The following CDKAL1 variants were observed in gnomAD, a reference collection of about 807,000 sequenced individuals.
CDKAL1 encodes threonylcarbamoyladenosine tRNA methylthiotransferase.
Under a neutral mutation model 68.2 loss-of-function variants are expected in CDKAL1, and 32 were observed. That is an observed-to-expected ratio of 0.47 (90% confidence interval 0.35 to 0.63). CDKAL1 has a LOEUF of 0.63. Among genes scored for constraint, CDKAL1 ranks in the 30% least tolerant of loss-of-function variants. The probability of loss-of-function intolerance (pLI) is 0.00; values close to 1 mark genes in which losing one functional copy is unlikely to be tolerated. For missense variants in CDKAL1, 606 were observed against 696.7 expected (o/e 0.87, Z 1.47); for synonymous variants, 234 against 244.3 (o/e 0.96, Z 0.39).
At chr6:20,881,783 A>G (rs1365342014) in intron 9 of CDKAL1, among the ~76,000 whole-genome samples, 2 of 152,138 alleles carry the variant, frequency 1.3e-5, no homozygotes, top group Non-Finnish European at 2.9e-5. Flanking sequence ...TGCAGTCTCA[A>G]ATCTCCTGTT....
intron 15 of CDKAL1, among the ~76,000 whole-genome samples, chr6:21,214,881 GA>G (rs1227608630): frequency 4.7e-4 from 71 of 151,296 alleles, no homozygotes; most frequent in Non-Finnish European, 6.6e-4. Context: ...TTGGATGAAT[GA>G]ATGAATGAAT....
At chr6:20,828,449 G>A (rs776202445) in intron 8 of CDKAL1, among the ~76,000 whole-genome samples, 5 of 151,664 alleles carry the variant, frequency 3.3e-5, no homozygotes, top group Non-Finnish European at 7.4e-5. Flanking sequence ...GGCTGCTCTC[G>A]AACTCCTCAC....
At chr6:20,950,111 G>A (rs1226456011) in intron 9 of CDKAL1, among the ~76,000 whole-genome samples, 1 of 151,994 alleles carries the variant, frequency 6.6e-6, no homozygotes, top group Non-Finnish European at 1.5e-5. Flanking sequence ...ATGCAAAGAA[G>A]AGTAGAGGTC....
chr6:20,880,706 A>G (rs1760768874), intron 9 of CDKAL1, among the ~76,000 whole-genome samples: 1 of 152,150 alleles, frequency 6.6e-6, no homozygotes, highest in Non-Finnish European at 1.5e-5. Flanking sequence ...TTCATATATA[A>G]TGTGGGTCTG....
intron 4 of CDKAL1, among the ~76,000 whole-genome samples, chr6:20,636,991 C>T (rs1331560556): frequency 6.8e-6 from 1 of 147,612 alleles, no homozygotes; most frequent in Non-Finnish European, 1.5e-5. Context: ...GAGCGGAAAT[C>T]GCACCACTGC....
At chr6:20,641,746 T>C (rs921090897) in intron 4 of CDKAL1, among the ~76,000 whole-genome samples, 3 of 152,224 alleles carry the variant, frequency 2.0e-5, no homozygotes, top group East Asian at 1.9e-4. Context: ...AGTGTCGTTA[T>C]AGTGGATATG....
At chr6:21,079,013 C>T (rs972309435) in intron 12 of CDKAL1, among the ~76,000 whole-genome samples, 2 of 152,098 alleles carry the variant, frequency 1.3e-5, no homozygotes, top group Non-Finnish European at 2.9e-5. Flanking sequence ...GTTGAGATGC[C>T]ATCAGCTGTG....
At chr6:20,840,508 C>G (rs184123781) in intron 8 of CDKAL1, among the ~76,000 whole-genome samples, 8 of 152,194 alleles carry the variant, frequency 5.3e-5, no homozygotes, top group Admixed American at 3.9e-4. Context: ...AAACTAACTC[C>G]GAAAGTTCAC....
At chr6:20,575,837 T>G (rs1012074021) in intron 4 of CDKAL1, among the ~76,000 whole-genome samples, 5 of 152,204 alleles carry the variant, frequency 3.3e-5, no homozygotes, top group African/African-American at 1.2e-4. Flanking sequence ...GAGGTCATGA[T>G]GCTTCGTAAG....
intron 13 of CDKAL1, among the ~76,000 whole-genome samples, chr6:21,116,099 TATC>T (rs1315331146): frequency 1.3e-5 from 2 of 152,232 alleles, no homozygotes; most frequent in Non-Finnish European, 2.9e-5. Flanking sequence ...CTAATTTTGA[TATC>T]ATACCTGTAT....
chr6:20,899,725 C>T (rs1398528605), intron 9 of CDKAL1, among the ~76,000 whole-genome samples: 3 of 152,148 alleles, frequency 2.0e-5, no homozygotes, highest in Non-Finnish European at 2.9e-5. Context: ...TGCCTATAAT[C>T]CCAGCTACTT....
chr6:20,553,336 C>G (rs1763905699), intron 4 of CDKAL1, among the ~76,000 whole-genome samples: 1 of 151,950 alleles, frequency 6.6e-6, no homozygotes, highest in Non-Finnish European at 1.5e-5. Context: ...TGGCAAAACC[C>G]CGTCTCTACT....
intron 10 of CDKAL1, among the ~76,000 whole-genome samples, chr6:20,998,476 G>C (rs148518517): frequency 2.6e-5 from 4 of 152,292 alleles, no homozygotes; most frequent in South Asian, 2.1e-4. Context: ...GCTGGGCGTG[G>C]TGGCACATGC....
At chr6:21,023,839 A>G (rs1768812004) in intron 11 of CDKAL1, among the ~76,000 whole-genome samples, 2 of 152,118 alleles carry the variant, frequency 1.3e-5, no homozygotes, top group Non-Finnish European at 2.9e-5. Context: ...TGGCCCTTTC[A>G]TCATTTTCTA....
intron 9 of CDKAL1, among the ~76,000 whole-genome samples, chr6:20,952,942 C>G (rs1764604969): frequency 1.3e-5 from 2 of 152,224 alleles, no homozygotes; most frequent in African/African-American, 4.8e-5. Context: ...TTGAAATACA[C>G]CCTTACAAAA....
intron 13 of CDKAL1, among the ~76,000 whole-genome samples, chr6:21,140,897 A>G (rs1775870069): frequency 6.6e-6 from 1 of 152,202 alleles, no homozygotes; most frequent in Non-Finnish European, 1.5e-5. Context: ...CGGGAGGCAA[A>G]AGGCACTTCT....
chr6:20,668,975 G>A (rs546322165), intron 5 of CDKAL1, among the ~76,000 whole-genome samples: 4 of 152,228 alleles, frequency 2.6e-5, no homozygotes, highest in African/African-American at 9.6e-5. Flanking sequence ...TATTGCACTT[G>A]AGATTGACAA....
chr6:20,983,981 G>T (rs112176017), intron 10 of CDKAL1, among the ~76,000 whole-genome samples: 1 of 152,140 alleles, frequency 6.6e-6, no homozygotes, highest in Non-Finnish European at 1.5e-5. Context: ...GAGCAATGTC[G>T]AGGGCACTGG....
intron 11 of CDKAL1, among the ~76,000 whole-genome samples, chr6:21,003,371 TACACACACAC>T (rs55839331): frequency 8.1e-5 from 4 of 49,296 alleles, no homozygotes; most frequent in Non-Finnish European, 1.4e-4. Context: ...TATATATATA[TACACACACAC>T]ACACACACAT....
Sources: gnomAD v4.1 joint callset for allele counts (sites outside exome capture counted in the v4.1 genomes callset) on GRCh38, gnomAD v4.1.1 for gene constraint, MANE v1.5 for transcripts, NCBI Gene and HGNC (gene_info 2026-07-23, HGNC 2026-07-21) for gene names.